CTNNA3: variants seen among roughly 807,000 people sequenced by gnomAD.
CTNNA3 encodes the protein catenin alpha 3, also known as catenin alpha-3.
CTNNA3 carries 76 observed loss-of-function variants against 95.7 expected under a neutral mutation model. That is an observed-to-expected ratio of 0.79 (90% CI 0.66 to 0.96). The LOEUF (loss-of-function observed/expected upper bound fraction) is 0.96. Among genes scored for constraint, CTNNA3 ranks in the 40% least tolerant of loss-of-function variants. The pLI is 0.00. For missense variants in CTNNA3, 1,191 were observed against 1,089.8 expected, an observed-to-expected ratio of 1.09 and a Z score of -1.31; for synonymous variants, 431 against 374.4, an observed-to-expected ratio of 1.15 and a Z score of -1.74.
intron 13 of CTNNA3, among the ~76,000 whole-genome samples, chr10:66,134,095 G>T (rs1434144843): frequency 1.3e-5 from 2 of 151,884 alleles, no homozygotes; most frequent in East Asian, 1.9e-4. Context: ...ATAATTAGAA[G>T]AAAATATCGA....
At chr10:66,316,275 C>T (rs938743482) in intron 12 of CTNNA3, among the ~76,000 whole-genome samples, 1 of 152,040 alleles carries the variant, frequency 6.6e-6, no homozygotes, top group African/African-American at 2.4e-5. Context: ...TTGTAAAGAG[C>T]AGCTCTTCTA....
chr10:66,978,542 A>G (rs866355292), intron 7 of CTNNA3, among the ~76,000 whole-genome samples: 1 of 68,616 alleles, frequency 1.5e-5, no homozygotes. Context: ...AAAAAAAAAA[A>G]AAAAAAAAAA....
chr10:67,280,097 G>A (rs1839338355), intron 5 of CTNNA3, among the ~76,000 whole-genome samples: 1 of 150,128 alleles, frequency 6.7e-6, no homozygotes, highest in Non-Finnish European at 1.5e-5. Context: ...TAAATTAAAG[G>A]ATATCAAAAG....
intron 7 of CTNNA3, among the ~76,000 whole-genome samples, chr10:67,030,206 T>C (rs1170008758): frequency 6.6e-6 from 1 of 152,222 alleles, no homozygotes; most frequent in African/African-American, 2.4e-5. Context: ...TTATTGCATT[T>C]TTACACTTAG....
At chr10:66,094,764 C>T (rs567103656) in intron 14 of CTNNA3, among the ~76,000 whole-genome samples, 2 of 152,226 alleles carry the variant, frequency 1.3e-5, no homozygotes, top group African/African-American at 4.8e-5. Context: ...GCCTTTGTTC[C>T]ATTGCAAAAG....
intron 7 of CTNNA3, among the ~76,000 whole-genome samples, chr10:66,855,782 G>C (rs1011451931): frequency 6.6e-6 from 1 of 151,976 alleles, no homozygotes; most frequent in African/African-American, 2.4e-5. Flanking sequence ...ATGTTCTTAA[G>C]GGTTATAGTA....
chr10:67,628,695 T>C (rs1472866665), intron 2 of CTNNA3, among the ~76,000 whole-genome samples: 3 of 152,164 alleles, frequency 2.0e-5, no homozygotes, highest in African/African-American at 7.2e-5. Flanking sequence ...TGTATGAGAT[T>C]TCTTAAAATA....
At chr10:67,249,463 T>C (rs936924975) in intron 5 of CTNNA3, among the ~76,000 whole-genome samples, 2 of 152,206 alleles carry the variant, frequency 1.3e-5, no homozygotes, top group Non-Finnish European at 2.9e-5. Context: ...AATCCTCATT[T>C]AACATTTTTG....
chr10:67,750,816 T>C (rs1841403002), intron 1 of CTNNA3: 1 of 1,610,190 alleles, frequency 6.2e-7, no homozygotes, highest in African/African-American at 1.3e-5. Flanking sequence ...GACTGAAATA[T>C]AAACCAGTGA....
At chr10:67,698,438 G>A (rs1000442925), upstream of CTNNA3, among the ~76,000 whole-genome samples, 15 of 152,112 alleles carry the variant, frequency 9.9e-5, no homozygotes, top group South Asian at 2.1e-4. Context: ...AGGAGAGAAG[G>A]GAGGCCTCCA....
chr10:66,221,077 G>A (rs960330726), intron 13 of CTNNA3, among the ~76,000 whole-genome samples: 5 of 152,172 alleles, frequency 3.3e-5, no homozygotes, highest in African/African-American at 1.2e-4. Flanking sequence ...AACAAAAGAA[G>A]CTGTAAGTGT....
chr10:67,419,891 G>A (rs147282554), intron 5 of CTNNA3, among the ~76,000 whole-genome samples: 39 of 150,528 alleles, frequency 2.6e-4, no homozygotes, highest in African/African-American at 6.1e-4. Context: ...TCGCTCTGTC[G>A]CCCAGGCTGG....
chr10:66,614,016 A>G (rs1281589792), intron 10 of CTNNA3, among the ~76,000 whole-genome samples: 1 of 152,068 alleles, frequency 6.6e-6, no homozygotes, highest in East Asian at 1.9e-4. Context: ...CAAATAAAAA[A>G]CCCATACAAA....
At chr10:66,580,705 G>C (rs1843155798) in intron 10 of CTNNA3, among the ~76,000 whole-genome samples, 1 of 151,724 alleles carries the variant, frequency 6.6e-6, no homozygotes, top group Admixed American at 6.6e-5. Context: ...TTCTGCTTTA[G>C]TTGGCTTCTT....
chr10:67,500,020 C>T (rs578086854), intron 5 of CTNNA3, among the ~76,000 whole-genome samples: 24 of 151,900 alleles, frequency 1.6e-4, no homozygotes, highest in African/African-American at 5.1e-4. Context: ...TTAATTGTGA[C>T]GTTAGGGTGT....
intron 7 of CTNNA3, among the ~76,000 whole-genome samples, chr10:66,874,621 ATT>A (rs747552509): frequency 1.3e-5 from 2 of 152,194 alleles, no homozygotes; most frequent in Admixed American, 6.5e-5. Flanking sequence ...CTTCGTTTCA[ATT>A]TCTCTGTTTA....
At chr10:67,142,601 A>T (rs1297036328) in intron 7 of CTNNA3, among the ~76,000 whole-genome samples, 2 of 152,180 alleles carry the variant, frequency 1.3e-5, no homozygotes, top group African/African-American at 2.4e-5. Context: ...AAGTGTGCGG[A>T]GCATTATGCT....
At chr10:66,290,838 T>A (rs1275176303) in intron 12 of CTNNA3, among the ~76,000 whole-genome samples, 1 of 152,142 alleles carries the variant, frequency 6.6e-6, no homozygotes, top group Non-Finnish European at 1.5e-5. Context: ...TTACTTCTTG[T>A]AGGATGGTCA....
chr10:67,625,697 A>C (rs1315250168), intron 2 of CTNNA3, among the ~76,000 whole-genome samples: 1 of 152,204 alleles, frequency 6.6e-6, no homozygotes, highest in African/African-American at 2.4e-5. Flanking sequence ...TATTCAAAGG[A>C]AACTTAAAAT....
Sources: allele counts gnomAD v4.1 joint callset (sites outside exome capture counted in the v4.1 genomes callset), GRCh38; gene constraint gnomAD v4.1.1; transcripts MANE v1.5; gene names NCBI Gene and HGNC (gene_info 2026-07-23, HGNC 2026-07-21).